The following NDUFAF6 variants were observed in gnomAD, a reference collection of about 807,000 sequenced individuals.
The protein encoded by NDUFAF6 is NADH:ubiquinone oxidoreductase complex assembly factor 6.
In NDUFAF6, 45 loss-of-function variants were observed where a neutral mutation model predicts 40.8. The observed-to-expected ratio is 1.10, with a 90% CI of 0.87 to 1.42. The LOEUF (loss-of-function observed/expected upper bound fraction) is 1.42. NDUFAF6 is among the 40% of genes most tolerant of loss of function. NDUFAF6 has a pLI of 0.00. For synonymous variants in NDUFAF6, 185 were observed against 155.9 expected (o/e 1.19, Z -1.39); for missense variants, 435 against 418.5 (o/e 1.04, Z -0.34).
chr8:94,948,357 G>A (rs536004179), intron 2 of NDUFAF6, among the ~76,000 whole-genome samples: 3 of 152,178 alleles, frequency 2.0e-5, no homozygotes, highest in Non-Finnish European at 2.9e-5. Context: ...ATCAACTGGG[G>A]CGATAAAGCA....
intron 8 of NDUFAF6, among the ~76,000 whole-genome samples, chr8:95,052,958 A>G (rs1342035127): frequency 6.6e-6 from 1 of 152,188 alleles, no homozygotes; most frequent in Non-Finnish European, 1.5e-5. Flanking sequence ...CATTATTCCT[A>G]GTCTTCCTAG....
intron 2 of NDUFAF6, among the ~76,000 whole-genome samples, chr8:95,012,175 C>T (rs1242586056): frequency 6.6e-6 from 1 of 152,126 alleles, no homozygotes; most frequent in Non-Finnish European, 1.5e-5. Context: ...TTGCATTTCC[C>T]TGTCTACTGG....
intron 3 of NDUFAF6, 103 bp downstream of exon 3, chr8:95,035,679 T>A: frequency 8.6e-7 from 1 of 1,162,874 alleles, no homozygotes; most frequent in Non-Finnish European, 1.2e-6. Flanking sequence ...GAATCTATTC[T>A]GAAAATATTC....
chr8:94,949,634 C>G (rs1161168286), intron 2 of NDUFAF6, among the ~76,000 whole-genome samples: 1 of 151,904 alleles, frequency 6.6e-6, no homozygotes, highest in African/African-American at 2.4e-5. Context: ...GGGAGGGAAG[C>G]GCTGGGGCCG....
intron 2 of NDUFAF6, among the ~76,000 whole-genome samples, chr8:95,003,816 T>A (rs889658142): frequency 1.3e-5 from 2 of 152,230 alleles, no homozygotes; most frequent in African/African-American, 4.8e-5. Context: ...GAACATAAAA[T>A]TTGTGATTTT....
chr8:94,975,008 C>T (rs886830860), intron 1 of NDUFAF6, among the ~76,000 whole-genome samples: 3 of 152,238 alleles, frequency 2.0e-5, no homozygotes, highest in Non-Finnish European at 4.4e-5. Context: ...CTGCGAGGTT[C>T]CAAAACACCA....
At chr8:95,002,445 T>C (rs1826779943) in intron 2 of NDUFAF6, among the ~76,000 whole-genome samples, 1 of 152,042 alleles carries the variant, frequency 6.6e-6, no homozygotes, top group Non-Finnish European at 1.5e-5. Context: ...TAACTTTTAG[T>C]GAACACACCT....
At chr8:94,954,534 G>C (rs1348474109), upstream of NDUFAF6, among the ~76,000 whole-genome samples, 2 of 152,198 alleles carry the variant, frequency 1.3e-5, no homozygotes, top group East Asian at 3.8e-4. Flanking sequence ...CTGGGTAAAG[G>C]GTTAGAGAGA....
intron 1 of NDUFAF6, among the ~76,000 whole-genome samples, chr8:94,913,310 T>C (rs1041262836): frequency 9.9e-5 from 15 of 152,188 alleles, no homozygotes; most frequent in African/African-American, 3.6e-4. Flanking sequence ...GGTTCATTAA[T>C]TTGGGTTTCC....
At chr8:95,070,323 G>A (rs192207725) in intron 9 of NDUFAF6, among the ~76,000 whole-genome samples, 6 of 152,260 alleles carry the variant, frequency 3.9e-5, no homozygotes, top group African/African-American at 4.8e-5. Flanking sequence ...GTAAAGTGCC[G>A]AAAATAGTGG....
chr8:95,026,919 A>T (rs1828215293), intron 1 of NDUFAF6, among the ~76,000 whole-genome samples: 1 of 151,472 alleles, frequency 6.6e-6, no homozygotes, highest in South Asian at 2.1e-4. Context: ...TTGGTGGCAC[A>T]GCCTGTGGTC....
intron 2 of NDUFAF6, among the ~76,000 whole-genome samples, chr8:95,089,595 C>T (rs937547843): frequency 3.9e-5 from 6 of 152,148 alleles, no homozygotes; most frequent in Admixed American, 1.3e-4. Flanking sequence ...CAGGAAGTTT[C>T]TAGTATGGTG....
chr8:94,931,922 A>G (rs1045874466), intron 1 of NDUFAF6: 20 of 671,716 alleles, frequency 3.0e-5, no homozygotes, highest in African/African-American at 2.0e-4. Context: ...CTGTGAGCCA[A>G]TATCACACCA....
Position 95,047,050 on chromosome 8 carries a change from A to G in NDUFAF6, c.637A>G (p.Ile213Val). 2.5e-6 allele frequency: 4 copies of G among 1,614,200 alleles called. No individual in the cohort carries two copies. The highest frequency in any genetic ancestry group is 3.4e-6 in the Non-Finnish European group (4 of 1,180,020). Residue 213 changes from isoleucine (I) to valine (V), a missense_variant, in exon 6 of 9, where the codon ATT (isoleucine) becomes GTT (valine). Physicochemically the swap from Ile to Val is conservative, Grantham distance 29. Transcript: ENST00000396124. ...AASHIGKAQGIVTCLRATPYH... is the reference protein window; with the variant it reads ...AASHIGKAQGVVTCLRATPYH... ...AAGTCATATTGGAAAAGCACAAGGCATTGTCACTTGCTTGAGAGCAACACC... is the reference window on the plus strand; with the variant it reads ...AAGTCATATTGGAAAAGCACAAGGCGTTGTCACTTGCTTGAGAGCAACACC...
At chr8:94,963,061 G>A (rs983244621) in intron 1 of NDUFAF6, among the ~76,000 whole-genome samples, 14 of 151,736 alleles carry the variant, frequency 9.2e-5, no homozygotes, top group African/African-American at 3.4e-4. Context: ...AAAGTGCTGG[G>A]ATTACAGACA....
At chr8:94,939,114 A>G (rs1821273820) in intron 1 of NDUFAF6, among the ~76,000 whole-genome samples, 1 of 152,212 alleles carries the variant, frequency 6.6e-6, no homozygotes, top group Non-Finnish European at 1.5e-5. Flanking sequence ...TGAGTATTGC[A>G]GGAAGAAACT....
chr8:95,083,039 C>T (rs893170770), intron 2 of NDUFAF6, among the ~76,000 whole-genome samples: 1 of 152,182 alleles, frequency 6.6e-6, no homozygotes, highest in Non-Finnish European at 1.5e-5. Context: ...TCTCAGCCTC[C>T]CAAAGTGCTG....
chr8:94,980,437 TTTTTG>T (rs1401693768), intron 1 of NDUFAF6, among the ~76,000 whole-genome samples: 16 of 146,472 alleles, frequency 1.1e-4, no homozygotes, highest in African/African-American at 4.2e-4. Context: ...AACTGTGGTT[TTTTTG>T]TTTTTTTTTT....
downstream of NDUFAF6, among the ~76,000 whole-genome samples, chr8:95,061,052 T>G (rs73278543): frequency 0.044 from 6,591 of 151,410 alleles, 484 homozygotes; most frequent in African/African-American, 0.15. Context: ...TGGGGAGGGG[T>G]TGTTGACGTT....
Sources: allele counts gnomAD v4.1 joint callset (sites outside exome capture counted in the v4.1 genomes callset), GRCh38; gene constraint gnomAD v4.1.1; transcripts MANE v1.5; gene names NCBI Gene and HGNC (gene_info 2026-07-23, HGNC 2026-07-21).